The following RHOBTB3 variants were observed in gnomAD, a reference collection of about 807,000 sequenced individuals.
RHOBTB3 encodes the protein rho-related BTB domain-containing protein 3.
A neutral mutation model predicts 67.2 loss-of-function variants in RHOBTB3; 47 were observed. The observed-to-expected ratio is 0.70, with a 90% CI of 0.55 to 0.89. RHOBTB3 has a LOEUF of 0.89. Ranked by LOEUF, RHOBTB3 falls within the 40% of genes least tolerant of loss-of-function variation. RHOBTB3 has a pLI of 0.00. For missense variants in RHOBTB3, 631 were observed against 750.0 expected, an observed-to-expected ratio of 0.84 and a Z score of 1.85; for synonymous variants, 273 against 274.2, an observed-to-expected ratio of 1.00 and a Z score of 0.04.
rs539358455 is a variant in RHOBTB3, at chr5:95,769,182, T to C, written c.1282+1016T>C. ...GGCCGAAGGGAAGAACTGTGATTAT[T>C]GAATGAAGCTAGGGAAGTCCCAGAG... On this transcript the variant is annotated intron_variant, in intron 8 of 11. Coordinates refer to ENST00000379982, the MANE Select transcript of RHOBTB3 (RefSeq NM_014899.4). The C allele has an allele frequency of 3.7e-4, 125 of 339,256 alleles. 2 individuals carry two copies. Among genetic ancestry groups the C allele is most frequent in the African/African-American group, 1.4e-3 (65 of 46,276 alleles). 21.0% of individuals were successfully genotyped at this position (339,256 alleles called of 1,614,324 possible).
intron 6 of RHOBTB3, among the ~76,000 whole-genome samples, chr5:95,762,347 G>A (rs563911453): frequency 6.4e-4 from 97 of 152,310 alleles, no homozygotes; most frequent in African/African-American, 2.3e-3. Flanking sequence ...TTTGGTTTTA[G>A]TTGGTACAGA....
chr5:95,768,208 T>C lies in RHOBTB3; in HGVS notation c.1282+42T>C, dbSNP rs200603095. 1.1e-5 allele frequency: 17 copies of C among 1,565,624 alleles called. No individual in the cohort carries two copies. In the Admixed American group the frequency reaches 1.3e-4, roughly 12 times the overall value. On this transcript the variant is annotated intron_variant, in intron 8 of 11. Coordinates refer to ENST00000379982, the MANE Select transcript of RHOBTB3 (RefSeq NM_014899.4). ...ACAAAGTTTATGATTCATTTTTATT[T>C]CTTGTTTTCTTTCCTTGCTTTCTAC...
rs1286528990 is a variant in RHOBTB3, at chr5:95,732,089, G to A, written c.228+5G>A. 3.7e-6 allele frequency: 6 copies of A among 1,613,166 alleles called. No homozygotes were observed. The East Asian group carries it at 1.1e-4, about 30-fold the overall frequency. On this transcript the variant is annotated splice_donor_5th_base_variant and intron_variant, in intron 2 of 11. Transcript: ENST00000379982. The stretch of plus-strand genomic sequence containing the variant: ...GTCCACGACTGTCCCGTCTGGGTAA[G>A]GAAGAGCAGCTGCTCCGCGCTGAGG...
intron 11 of RHOBTB3, 37 bp from the exon 12 acceptor site, chr5:95,793,022 A>G (rs1746461147): frequency 7.2e-7 from 1 of 1,389,662 alleles, no homozygotes; most frequent in African/African-American, 1.4e-5. Context: ...CCATAATAAA[A>G]CATATTCGGT....
chr5:95,767,376 T>C (rs1342469424), intron 7 of RHOBTB3, among the ~76,000 whole-genome samples: 2 of 151,930 alleles, frequency 1.3e-5, no homozygotes, highest in Non-Finnish European at 2.9e-5. Flanking sequence ...TTCACTCTGT[T>C]GCCCAGGCTG....
chr5:95,754,020 T>C (rs1745169897), intron 5 of RHOBTB3, among the ~76,000 whole-genome samples: 1 of 151,946 alleles, frequency 6.6e-6, no homozygotes, highest in Admixed American at 6.6e-5. Flanking sequence ...GAGGCAGAGC[T>C]GCATGAACCA....
chr5:95,767,319 A>G (rs1745575570), intron 7 of RHOBTB3, among the ~76,000 whole-genome samples: 1 of 149,212 alleles, frequency 6.7e-6, no homozygotes, highest in Non-Finnish European at 1.5e-5. Context: ...ATGGTGTGAT[A>G]AGGGAAAGTT....
chr5:95,718,673 C>T (rs1004764814), intron 1 of RHOBTB3, among the ~76,000 whole-genome samples: 1 of 152,212 alleles, frequency 6.6e-6, no homozygotes, highest in Non-Finnish European at 1.5e-5. Flanking sequence ...CAATATTTTA[C>T]AACCCAGATA....
At chr5:95,759,613 TAATCA>T (rs774533569) in intron 6 of RHOBTB3, among the ~76,000 whole-genome samples, 79 of 152,260 alleles carry the variant, frequency 5.2e-4, no homozygotes, top group Non-Finnish European at 9.4e-4. Flanking sequence ...ATGTATTTTG[TAATCA>T]AATCAAACAA....
In RHOBTB3 at chr5:95,793,078, T is replaced by G. The variant is rs77781030; in HGVS notation, c.1740T>G (p.Val580=). 1.7e-5 allele frequency: 28 copies of G among 1,613,018 alleles called. No homozygotes were observed. Among genetic ancestry groups the G allele is most frequent in the Middle Eastern group, 3.3e-4 (2 of 6,082 alleles). ...CTTCAGTGGAAGAACGCAGTTTTGT[T>G]GAAAAGCACAGATGGCCGTCGAATA... ...QDLSVEERSF[V]EKHRWPSNMY... The change falls in exon 12 of 12, where the codon GTT becomes GTG. Residue 580 remains valine, a synonymous_variant. Transcript: ENST00000379982.
intron 5 of RHOBTB3, among the ~76,000 whole-genome samples, chr5:95,753,049 G>A (rs554719833): frequency 1.3e-5 from 2 of 152,014 alleles, no homozygotes; most frequent in East Asian, 1.9e-4. Context: ...GGAGAATGAC[G>A]TGAACCCAGG....
chr5:95,758,820 GA>G (rs1561447624), intron 6 of RHOBTB3, among the ~76,000 whole-genome samples: 3 of 152,208 alleles, frequency 2.0e-5, no homozygotes, highest in African/African-American at 7.2e-5. Flanking sequence ...AGTAGTCTCC[GA>G]GGTGGTGCTG....
intron 10 of RHOBTB3, 92 bp downstream of exon 10, chr5:95,784,055 TA>T (rs1181662338): frequency 9.6e-7 from 1 of 1,036,302 alleles, no homozygotes; most frequent in African/African-American, 1.6e-5. Context: ...TAACATACGT[TA>T]ATACTAGTCT....
At chr5:95,755,181 A>C (rs1414730706) in intron 5 of RHOBTB3, among the ~76,000 whole-genome samples, 1 of 151,564 alleles carries the variant, frequency 6.6e-6, no homozygotes, top group Non-Finnish European at 1.5e-5. Context: ...ACAGTTCCTG[A>C]ATAATTAGTT....
chr5:95,774,078 A>G (rs1182474752), intron 8 of RHOBTB3, among the ~76,000 whole-genome samples: 1 of 152,262 alleles, frequency 6.6e-6, no homozygotes, highest in South Asian at 2.1e-4. Flanking sequence ...CAGAATGATC[A>G]CACTTATAGA....
chr5:95,749,842 T>A (rs1297569224), intron 4 of RHOBTB3, among the ~76,000 whole-genome samples: 1 of 152,200 alleles, frequency 6.6e-6, no homozygotes, highest in Non-Finnish European at 1.5e-5. Context: ...ATCCTGAACC[T>A]GAAATTCCCA....
At chr5:95,771,848 G>A (rs916135686) in intron 8 of RHOBTB3, among the ~76,000 whole-genome samples, 3 of 152,028 alleles carry the variant, frequency 2.0e-5, no homozygotes, top group Non-Finnish European at 1.5e-5. Context: ...AGATAATTTT[G>A]TACAATCATC....
chr5:95,746,055 G>A (rs185678045), intron 3 of RHOBTB3, among the ~76,000 whole-genome samples: 12 of 152,236 alleles, frequency 7.9e-5, no homozygotes, highest in Admixed American at 6.5e-4. Flanking sequence ...ATAATATGGT[G>A]TAGAAAGACT....
chr5:95,733,145 G>T (rs1020585743), intron 2 of RHOBTB3, among the ~76,000 whole-genome samples: 6 of 152,146 alleles, frequency 3.9e-5, no homozygotes, highest in Non-Finnish European at 5.9e-5. Context: ...TCACTCGCTC[G>T]TGTAAGTTTT....
Sources: gnomAD v4.1 joint callset for allele counts (sites outside exome capture counted in the v4.1 genomes callset) on GRCh38, gnomAD v4.1.1 for gene constraint, MANE v1.5 for transcripts, NCBI Gene and HGNC (gene_info 2026-07-23, HGNC 2026-07-21) for gene names.